Variants in CNIH3 observed in about 807,000 individuals in gnomAD.
CNIH3 encodes cornichon family AMPA receptor auxiliary protein 3.
In CNIH3, 14 loss-of-function variants were observed where a neutral mutation model predicts 24.1. That is an observed-to-expected ratio of 0.58 (90% CI 0.38 to 0.91). CNIH3 has a LOEUF of 0.91. Among genes scored for constraint, CNIH3 ranks in the 40% least tolerant of loss-of-function variants. The pLI, the probability that CNIH3 is intolerant of heterozygous loss-of-function variation, is 0.00. For synonymous variants in CNIH3, 68 were observed against 73.8 expected (o/e 0.92, Z 0.40); for missense variants, 178 against 196.8 (o/e 0.90, Z 0.57).
chr1:224,719,494 A>G (rs180824985), intron 3 of CNIH3, among the ~76,000 whole-genome samples: 6 of 152,308 alleles, frequency 3.9e-5, no homozygotes, highest in African/African-American at 1.4e-4. Context: ...GGAGTATTTG[A>G]ACTGAGAAGG....
At chr1:224,457,908 G>A (rs570106485) in intron 1 of CNIH3, among the ~76,000 whole-genome samples, 1 of 152,280 alleles carries the variant, frequency 6.6e-6, no homozygotes, top group Admixed American at 6.5e-5. Context: ...TTTCTGAAAG[G>A]TATACCAGAA....
Position 224,678,811 on chromosome 1 carries a change from T to G in CNIH3, c.82-2147T>G, listed in dbSNP as rs539025395. ...AATTTAATTTTAATTAATTAAAAGT[T>G]TAAGCTTTAATAGCTGCATGTGGCT... On this transcript the variant is annotated intron_variant, in intron 1 of 5. Transcript: ENST00000272133. Among the ~76,000 whole-genome samples, 343 of 152,190 alleles carry G rather than the reference T, an allele frequency of 2.3e-3. 1 individual carries two copies. The highest frequency in any genetic ancestry group is 7.6e-3 in the African/African-American group (317 of 41,506).
intron 1 of CNIH3, chr1:224,454,224 T>G (rs1233926071): frequency 1.2e-6 from 1 of 844,844 alleles, no homozygotes; most frequent in Non-Finnish European, 1.4e-6. Context: ...ATATTGTGAG[T>G]AGTATCATTT....
At chr1:224,648,295 C>T (rs939093543) in intron 1 of CNIH3, among the ~76,000 whole-genome samples, 3 of 151,696 alleles carry the variant, frequency 2.0e-5, no homozygotes, top group Admixed American at 2.0e-4. Flanking sequence ...CCTGTAATCC[C>T]AGCTACTAGG....
chr1:224,519,412 C>T (rs1162501038), intron 1 of CNIH3, among the ~76,000 whole-genome samples: 1 of 152,102 alleles, frequency 6.6e-6, no homozygotes, highest in Admixed American at 6.6e-5. Context: ...ACTACACCAC[C>T]AGCCTTCCTG....
chr1:224,646,777 T>C (rs1684626020), intron 1 of CNIH3, among the ~76,000 whole-genome samples: 1 of 152,162 alleles, frequency 6.6e-6, no homozygotes, highest in Admixed American at 6.5e-5. Flanking sequence ...ACAGGAGTTC[T>C]CACCGGTTGA....
chr1:224,530,730 GTTGGGATTACAGGCGCC>G (rs1471046550), intron 2 of CNIH3, among the ~76,000 whole-genome samples: 1 of 152,078 alleles, frequency 6.6e-6, no homozygotes, highest in Non-Finnish European at 1.5e-5. Flanking sequence ...CTCCCAAGTA[GTTGGGATTACAGGCGCC>G]TGCCACCATG....
At chr1:224,476,079 A>G (rs1176269107) in intron 1 of CNIH3, among the ~76,000 whole-genome samples, 1 of 152,222 alleles carries the variant, frequency 6.6e-6, no homozygotes, top group Non-Finnish European at 1.5e-5. Flanking sequence ...AAAAGTGGGT[A>G]TTAAAGGAAC....
At chr1:224,736,832 G>T (rs550836773) in intron 5 of CNIH3, among the ~76,000 whole-genome samples, 86 of 152,340 alleles carry the variant, frequency 5.6e-4, no homozygotes, top group African/African-American at 2.0e-3. Flanking sequence ...TGTCAGATGG[G>T]TTTCTGTCTT....
At chr1:224,538,223 A>G (rs1391162248), downstream of CNIH3, among the ~76,000 whole-genome samples, 1 of 152,172 alleles carries the variant, frequency 6.6e-6, no homozygotes, top group African/African-American at 2.4e-5. Context: ...TGCTAGGATT[A>G]CAGGAGTGAG....
At chr1:224,475,216 C>T (rs1676535117) in intron 1 of CNIH3, among the ~76,000 whole-genome samples, 1 of 129,976 alleles carries the variant, frequency 7.7e-6, no homozygotes. Flanking sequence ...ATTAGCTGGT[C>T]GTGGCTGCAT....
At chr1:224,509,825 G>A (rs1678067661) in intron 1 of CNIH3, among the ~76,000 whole-genome samples, 1 of 152,212 alleles carries the variant, frequency 6.6e-6, no homozygotes. Context: ...GGCCTGAGGA[G>A]CAATCCTGCA....
At chr1:224,732,649 C>T (rs1689398298) in intron 4 of CNIH3, among the ~76,000 whole-genome samples, 1 of 152,180 alleles carries the variant, frequency 6.6e-6, no homozygotes, top group Admixed American at 6.5e-5. Flanking sequence ...GGCTCTTCTC[C>T]TCCAGGAAAG....
Position 224,616,831 on chromosome 1 carries a change from G to C in CNIH3, c.-344G>C. Reference sequence around the variant, plus strand: ...CGGTCCTCCGTGGAGTCGTCGCATCGCTTGTCGTGTTGGTCTCGAGGGGCT... The same window carrying C: ...CGGTCCTCCGTGGAGTCGTCGCATCCCTTGTCGTGTTGGTCTCGAGGGGCT... On this transcript the variant is annotated 5_prime_UTR_variant, in exon 1 of 6. Transcript: ENST00000272133. 8.9e-7 allele frequency: 1 copy of C among 1,118,382 alleles called. No homozygotes were observed. The highest frequency in any genetic ancestry group is 1.6e-5 in the African/African-American group (1 of 61,548). 69.3% of individuals were successfully genotyped at this position (1,118,382 alleles called of 1,614,324 possible). A position where few individuals can be genotyped will look rare whatever the true frequency, so the allele number is the denominator to read the frequency against.
intron 3 of CNIH3, among the ~76,000 whole-genome samples, chr1:224,603,668 G>A (rs571735155): frequency 6.6e-6 from 1 of 152,286 alleles, no homozygotes; most frequent in Admixed American, 6.5e-5. Context: ...CAGCGTGCAA[G>A]AGACACTTGT....
chr1:224,588,670 G>A (rs1188278075), downstream of CNIH3: 1 of 151,658 alleles, frequency 6.6e-6, no homozygotes, highest in Non-Finnish European at 1.5e-5. Flanking sequence ...TAACCATTCA[G>A]ACAACCAGGA....
In CNIH3 at chr1:224,730,528, C is replaced by G. The variant is rs1308746776; in HGVS notation, c.265C>G (p.Leu89Val). 2.6e-6 allele frequency: 4 copies of G among 1,561,196 alleles called. No individual in the cohort carries two copies. The East Asian group carries it at 9.4e-5, about 37-fold the overall frequency. ...CIMFLCAQEW[L>V]TLGLNVPLLF... ...TATGTTCCTGTGTGCGCAAGAGTGG[C>G]TCACGCTGGGGCTGAATGTCCCTCT... is the stretch of plus-strand genomic sequence containing the variant. The change falls in exon 4 of 6, where the codon CTC (leucine) becomes GTC (valine). Residue 89 changes from leucine (L) to valine (V), a missense_variant. By Grantham distance (32) the Leu-to-Val change is conservative (BLOSUM62 1). Transcript: ENST00000272133.
rs146019463 is a variant in CNIH3, at chr1:224,472,839, C to T, written n.203+37977C>T. Among the ~76,000 whole-genome samples, 35 of 152,252 alleles carry T rather than the reference C, an allele frequency of 2.3e-4. No homozygotes were observed. The East Asian group carries it at 6.6e-3, about 29-fold the overall frequency. ...AAAATTCAGAATTACAGGAGCTTTC[C>T]TCTCCCACAACCACCTAAGATTCTG... On this transcript the variant is annotated intron_variant and non_coding_transcript_variant, in intron 1 of 5. Transcript: ENST00000471578.
chr1:224,674,535 G>A (rs1013613395), intron 1 of CNIH3, among the ~76,000 whole-genome samples: 2 of 152,198 alleles, frequency 1.3e-5, no homozygotes, highest in Non-Finnish European at 1.5e-5. Flanking sequence ...GCCCCAGCAG[G>A]ACTGACCTTG....
Sources: gnomAD v4.1 joint callset for allele counts (sites outside exome capture counted in the v4.1 genomes callset) on GRCh38, gnomAD v4.1.1 for gene constraint, MANE v1.5 for transcripts, NCBI Gene and HGNC (gene_info 2026-07-23, HGNC 2026-07-21) for gene names.